The following SPOCK1 variants were observed in gnomAD, a reference collection of about 807,000 sequenced individuals.
SPOCK1 encodes SPARC (osteonectin), cwcv and kazal like domains proteoglycan 1, also known as testican-1.
SPOCK1 carries 23 observed loss-of-function variants against 55.3 expected under a neutral mutation model. The ratio of observed to expected loss-of-function variants is 0.42; its 90% CI spans 0.30 to 0.59. SPOCK1 has a LOEUF of 0.59. Ranked by LOEUF, SPOCK1 falls within the 20% of genes least tolerant of loss-of-function variation. SPOCK1 has a pLI of 0.22. For synonymous variants in SPOCK1, 226 were observed against 221.0 expected (o/e 1.02, Z -0.20); for missense variants, 499 against 552.5 (o/e 0.90, Z 0.97).
chr5:136,988,805 TTG>T (rs1750894000), intron 7 of SPOCK1, 162 bp from the exon 8 acceptor site: 3 of 571,768 alleles, frequency 5.2e-6, no homozygotes, highest in South Asian at 7.3e-5. Context: ...CTAGAATATT[TTG>T]TGTTTTTTTG....
chr5:137,307,532 C>T (rs1373624525), intron 2 of SPOCK1, among the ~76,000 whole-genome samples: 1 of 152,168 alleles, frequency 6.6e-6, no homozygotes, highest in African/African-American at 2.4e-5. Flanking sequence ...GGTTTTTACC[C>T]ATTGTGGGTA....
At chr5:136,997,700 C>T (rs1234400916) in intron 6 of SPOCK1, among the ~76,000 whole-genome samples, 1 of 152,212 alleles carries the variant, frequency 6.6e-6, no homozygotes, top group Non-Finnish European at 1.5e-5. Flanking sequence ...CCAATTCCTC[C>T]ATCAGATCTT....
chr5:137,254,976 C>CA (rs1330941373), intron 3 of SPOCK1, among the ~76,000 whole-genome samples: 1 of 152,216 alleles, frequency 6.6e-6, no homozygotes, highest in Non-Finnish European at 1.5e-5. Context: ...ACAAAACAAT[C>CA]AGAGTATTCC....
chr5:137,273,250 G>T lies in SPOCK1; in HGVS notation c.187-6195C>A, dbSNP rs1033326757. 3.5e-5 allele frequency: 13 copies of T among 366,208 alleles called. No homozygotes were observed. The South Asian group carries it at 4.5e-4, about 13-fold the overall frequency. 22.7% of individuals were successfully genotyped at this position (366,208 alleles called of 1,614,324 possible). ...TACCAATGAAAAATAAATGTGTGTG[G>T]TACTGGTTCACTGAACTAAAACAAA... is the stretch of plus-strand genomic sequence containing the variant. On this transcript the variant is annotated intron_variant, in intron 2 of 10. Transcript: ENST00000394945.
chr5:137,427,907 T>TAAAAA (rs75837887), intron 2 of SPOCK1, among the ~76,000 whole-genome samples: 1 of 104,190 alleles, frequency 9.6e-6, no homozygotes, highest in Non-Finnish European at 1.9e-5. Flanking sequence ...AGACTCCGTC[T>TAAAAA]AAAAAAAAAA....
intron 2 of SPOCK1, among the ~76,000 whole-genome samples, chr5:137,277,629 A>G (rs1248616278): frequency 6.6e-6 from 1 of 152,152 alleles, no homozygotes; most frequent in Admixed American, 6.5e-5. Flanking sequence ...TACCACTACC[A>G]GGACTCTCAT....
intron 3 of SPOCK1, among the ~76,000 whole-genome samples, chr5:137,205,228 TGTCAAGGA>T (rs1189986181): frequency 6.6e-6 from 1 of 152,192 alleles, no homozygotes; most frequent in African/African-American, 2.4e-5. Flanking sequence ...ATTCAAGCGC[TGTCAAGGA>T]GTAAAGTGAG....
At chr5:137,447,545 A>G (rs895471618) in intron 2 of SPOCK1, among the ~76,000 whole-genome samples, 4 of 152,216 alleles carry the variant, frequency 2.6e-5, no homozygotes, top group African/African-American at 9.7e-5. Flanking sequence ...ATTACACTCA[A>G]TCACACACAA....
chr5:137,105,003 G>T (rs1340823302), intron 5 of SPOCK1, among the ~76,000 whole-genome samples: 1 of 152,224 alleles, frequency 6.6e-6, no homozygotes, highest in South Asian at 2.1e-4. Context: ...CTGCCTTATT[G>T]GACTGTTGGT....
chr5:137,215,665 A>G (rs1191282509), intron 3 of SPOCK1, among the ~76,000 whole-genome samples: 1 of 152,230 alleles, frequency 6.6e-6, no homozygotes, highest in Non-Finnish European at 1.5e-5. Context: ...GCTTCAGGCC[A>G]TACTCCCAAA....
intron 3 of SPOCK1, among the ~76,000 whole-genome samples, chr5:137,178,975 A>C (rs1393270873): frequency 1.3e-5 from 2 of 152,216 alleles, no homozygotes; most frequent in Non-Finnish European, 2.9e-5. Flanking sequence ...AGGTACTTGG[A>C]TAACAATGGT....
intron 5 of SPOCK1, among the ~76,000 whole-genome samples, chr5:137,081,737 A>T (rs1178034181): frequency 6.6e-6 from 1 of 152,246 alleles, no homozygotes; most frequent in Non-Finnish European, 1.5e-5. Context: ...TAAACTTTGA[A>T]TTACTGCCTG....
intron 9 of SPOCK1, among the ~76,000 whole-genome samples, chr5:136,983,199 A>G (rs990205518): frequency 2.0e-5 from 3 of 152,134 alleles, no homozygotes; most frequent in African/African-American, 7.2e-5. Flanking sequence ...TACATTTTCA[A>G]ATTTGCCTTT....
At chr5:137,060,665 T>C (rs1452247016) in intron 6 of SPOCK1, among the ~76,000 whole-genome samples, 3 of 151,478 alleles carry the variant, frequency 2.0e-5, no homozygotes, top group Non-Finnish European at 4.4e-5. Flanking sequence ...AGGATAAGAG[T>C]GCTGTCTGGG....
In SPOCK1 at chr5:137,104,132, G is replaced by A. The variant is rs184966892; in HGVS notation, c.474+8303C>T. Among the ~76,000 whole-genome samples, 8 of 152,342 alleles carry A rather than the reference G, an allele frequency of 5.3e-5. No individual in the cohort carries two copies. In the East Asian group the frequency reaches 1.5e-3, roughly 29 times the overall value. On this transcript the variant is annotated intron_variant, in intron 5 of 10. Coordinates refer to ENST00000394945, the MANE Select transcript of SPOCK1 (RefSeq NM_004598.4). ...CTGTTGAATTGTAATCCCCAGTGTTGGAGGTGGGGCTGGTGGGAGGTAATT... is the reference window on the plus strand; with the variant it reads ...CTGTTGAATTGTAATCCCCAGTGTTAGAGGTGGGGCTGGTGGGAGGTAATT...
chr5:137,338,039 A>G (rs1750322831), intron 2 of SPOCK1, among the ~76,000 whole-genome samples: 1 of 152,030 alleles, frequency 6.6e-6, no homozygotes, highest in African/African-American at 2.4e-5. Flanking sequence ...TATTATTATT[A>G]TACTTTAAGT....
At chr5:137,162,298 G>A (rs563056695) in intron 3 of SPOCK1, among the ~76,000 whole-genome samples, 3 of 151,604 alleles carry the variant, frequency 2.0e-5, no homozygotes, top group South Asian at 2.1e-4. Flanking sequence ...CCACCACGCC[G>A]GGCTAATTTT....
At chr5:137,351,975 G>A (rs1750690001) in intron 2 of SPOCK1, among the ~76,000 whole-genome samples, 2 of 152,138 alleles carry the variant, frequency 1.3e-5, no homozygotes, top group African/African-American at 4.8e-5. Flanking sequence ...AGATGTTAAG[G>A]CCATTCTGTA....
chr5:137,066,562 A>T (rs895351427), intron 6 of SPOCK1, among the ~76,000 whole-genome samples: 5 of 152,242 alleles, frequency 3.3e-5, no homozygotes, highest in African/African-American at 1.2e-4. Context: ...TTTCTGGGCT[A>T]CGTAGTTGCT....
Sources: allele counts gnomAD v4.1 joint callset (sites outside exome capture counted in the v4.1 genomes callset), GRCh38; gene constraint gnomAD v4.1.1; transcripts MANE v1.5; gene names NCBI Gene and HGNC (gene_info 2026-07-23, HGNC 2026-07-21).